PIK3R1: variants seen among roughly 807,000 people sequenced by gnomAD.
PIK3R1 encodes phosphoinositide-3-kinase regulatory subunit 1, also known as phosphatidylinositol 3-kinase regulatory subunit alpha.
PIK3R1 carries 29 observed loss-of-function variants against 98.0 expected under a neutral mutation model. The ratio of observed to expected loss-of-function variants is 0.30; its 90% confidence interval spans 0.22 to 0.40. PIK3R1 has a LOEUF of 0.40. Among genes scored for constraint, PIK3R1 ranks in the 10% least tolerant of loss-of-function variants. PIK3R1 has a pLI of 1.00. For missense variants in PIK3R1, 596 were observed against 872.7 expected (o/e 0.68, Z 3.99); for synonymous variants, 282 against 311.8 (o/e 0.90, Z 1.01).
intron 1 of PIK3R1, among the ~76,000 whole-genome samples, chr5:68,217,264 T>C (rs1362614440): frequency 1.3e-5 from 2 of 152,208 alleles, no homozygotes; most frequent in African/African-American, 4.8e-5. Context: ...TGTGGAGTTA[T>C]ATTTTAATGC....
At chr5:68,250,876 TTA>T (rs1311369043) in intron 2 of PIK3R1, among the ~76,000 whole-genome samples, 3 of 152,220 alleles carry the variant, frequency 2.0e-5, no homozygotes, top group African/African-American at 7.2e-5. Flanking sequence ...TTTAGATTAG[TTA>T]TGAGACTTCA....
At chr5:68,221,746 C>T (rs891336792) in intron 1 of PIK3R1, among the ~76,000 whole-genome samples, 1 of 152,072 alleles carries the variant, frequency 6.6e-6, no homozygotes, top group Non-Finnish European at 1.5e-5. Context: ...AGCAGTTGTA[C>T]GTTAAGTAGC....
chr5:68,246,324 T>G (rs1450398699), intron 2 of PIK3R1, among the ~76,000 whole-genome samples: 1 of 151,690 alleles, frequency 6.6e-6, no homozygotes, highest in Non-Finnish European at 1.5e-5. Context: ...TTTTTTTTTT[T>G]TTTTTTTGAG....
At chr5:68,277,995 T>C (rs1452056355) in intron 4 of PIK3R1, among the ~76,000 whole-genome samples, 1 of 152,144 alleles carries the variant, frequency 6.6e-6, no homozygotes, top group Admixed American at 6.5e-5. Flanking sequence ...ATCCTTCGCA[T>C]TGCTAGTGTA....
rs2112282588 is a variant in PIK3R1, at chr5:68,296,161, G to A, written c.1815-10G>A. 1 of 1,613,594 alleles carries A rather than the reference G, an allele frequency of 6.2e-7. No individual in the cohort carries two copies. Among genetic ancestry groups the A allele is most frequent in the Non-Finnish European group, 8.5e-7 (1 of 1,179,686 alleles). On this transcript the variant is annotated splice_polypyrimidine_tract_variant and intron_variant, in intron 14 of 15. Transcript: ENST00000521381. ...TCTTCATTTAGAAACTTTCTGTCCT[G>A]CCTGCCTAGCCAATATTCACTGGTG...
At chr5:68,240,508 T>G (rs1241091960) in intron 2 of PIK3R1, among the ~76,000 whole-genome samples, 1 of 152,244 alleles carries the variant, frequency 6.6e-6, no homozygotes, top group South Asian at 2.1e-4. Context: ...CCAGCCCTTC[T>G]GTGATTGGAA....
rs1402997899 is a variant in PIK3R1 at position 68,262,668 on chromosome 5, TGTAG to T, written c.335-10721_335-10718del. On this transcript the variant is annotated intron_variant, in intron 2 of 15. Transcript: ENST00000521381. ...ACACATGTATCTGCATGTATACACA[TGTAG>T]ATACATGTATCTGCATGTATACACA... Among the ~76,000 whole-genome samples the T allele has an allele frequency of 7.7e-5, 10 of 130,112 alleles. 1 individual carries two copies. Among genetic ancestry groups the T allele is most frequent in the African/African-American group, 2.3e-4 (7 of 30,946 alleles). The allele number at this position is 130,112 out of a possible 152,430, so 85.4% of individuals were successfully genotyped here. A position where few individuals can be genotyped will look rare whatever the true frequency, so the allele number is the denominator to read the frequency against.
rs1402021536 is a variant in PIK3R1 at position 68,301,524 on chromosome 5, AAAC to A, written c.*3926_*3928del. On this transcript the variant is annotated 3_prime_UTR_variant, in exon 16 of 16. Coordinates refer to ENST00000521381, the MANE Select transcript of PIK3R1 (RefSeq NM_181523.3). ...TATATATATGTATTTAAAAAAATCA[AAAC>A]AAAAAAAAACTCATTTATACCTGTG... The A allele has an allele frequency of 2.6e-5, 4 of 151,034 alleles. No individual in the cohort carries two copies. Among genetic ancestry groups the A allele is most frequent in the African/African-American group, 1.0e-4 (4 of 39,320 alleles). 9.4% of individuals were successfully genotyped at this position (151,034 alleles called of 1,614,324 possible). A position where few individuals can be genotyped will look rare whatever the true frequency, so the allele number is the denominator to read the frequency against.
In PIK3R1 at chr5:68,288,529, A is replaced by G. The variant is rs2888323; in HGVS notation, c.917-3730A>G. On this transcript the variant is annotated intron_variant, in intron 7 of 15. Transcript: ENST00000521381. Reference sequence around the variant, plus strand: ...GCGGAGGGACGAGCCGAGCCGAGCCAAGCGGAGCTGGGCCACTGTGCACGC... The same window carrying G: ...GCGGAGGGACGAGCCGAGCCGAGCCGAGCGGAGCTGGGCCACTGTGCACGC... 364,656 of 1,260,946 alleles carry G rather than the reference A, an allele frequency of 0.29. 49,266 individuals are homozygous for G. Among genetic ancestry groups the G allele is most frequent in the African/African-American group, 0.39 (22,336 of 57,320 alleles). The allele number at this position is 1,260,946 out of a possible 1,614,324, so 78.1% of individuals were successfully genotyped here.
intron 2 of PIK3R1, among the ~76,000 whole-genome samples, chr5:68,243,004 C>G (rs2112030285): frequency 6.6e-6 from 1 of 151,988 alleles, no homozygotes; most frequent in East Asian, 1.9e-4. Context: ...CGTCCCCAGA[C>G]ACCACATAAT....
intron 2 of PIK3R1, among the ~76,000 whole-genome samples, chr5:68,254,559 A>G (rs1001903116): frequency 5.3e-5 from 8 of 152,250 alleles, no homozygotes; most frequent in African/African-American, 1.9e-4. Flanking sequence ...TGAAGCCTTC[A>G]ATAAACAGTG....
At chr5:68,263,478 T>C (rs544032692) in intron 2 of PIK3R1, among the ~76,000 whole-genome samples, 1 of 152,006 alleles carries the variant, frequency 6.6e-6, no homozygotes, top group East Asian at 1.9e-4. Context: ...TTAATTTCTT[T>C]AGTAGAGAGG....
chr5:68,281,077 A>G, intron 7 of PIK3R1, 71 bp downstream of exon 7: 2 of 975,480 alleles, frequency 2.1e-6, no homozygotes, highest in Non-Finnish European at 3.2e-6. Context: ...GATGGCTATA[A>G]ACCTCCTTTG....
At chr5:68,239,726 G>T (rs184785223) in intron 2 of PIK3R1, among the ~76,000 whole-genome samples, 2 of 152,258 alleles carry the variant, frequency 1.3e-5, no homozygotes, top group East Asian at 1.9e-4. Context: ...GCTGACTTCC[G>T]ACCAGCCACA....
chr5:68,293,359 T>C lies in PIK3R1; in HGVS notation c.1175T>C (p.Phe392Ser). Residue 392 changes from phenylalanine (F) to serine (S), a missense_variant, in exon 10 of 16, where the codon TTC (phenylalanine) becomes TCC (serine). Transcript: ENST00000521381. Reference protein sequence around the residue: ...KIFHRDGKYGFSDPLTFSSVV... With the variant: ...KIFHRDGKYGSSDPLTFSSVV... ...TTTCATCGAGATGGGAAATATGGCT[T>C]CTCTGACCCATTAACCTTCAGTTCT... 6.2e-7 allele frequency: 1 copy of C among 1,613,430 alleles called. No homozygotes were observed. The highest frequency in any genetic ancestry group is 8.5e-7 in the Non-Finnish European group (1 of 1,179,440).
intron 4 of PIK3R1, among the ~76,000 whole-genome samples, chr5:68,277,759 T>C (rs1746640292): frequency 6.6e-6 from 1 of 152,228 alleles, no homozygotes; most frequent in African/African-American, 2.4e-5. Context: ...CACCGAGTTA[T>C]ATGAGGTCTC....
Position 68,226,334 on chromosome 5 carries a change from T to G in PIK3R1, c.-342T>G, listed in dbSNP as rs572080239. The G allele has an allele frequency of 4.6e-6, 2 of 437,282 alleles. No individual in the cohort carries two copies. The highest frequency in any genetic ancestry group is 3.8e-5 in the Admixed American group (1 of 26,400). 27.1% of individuals were successfully genotyped at this position (437,282 alleles called of 1,614,324 possible). On this transcript the variant is annotated 5_prime_UTR_variant, in exon 2 of 16. The change abolishes an upstream ATG in the 5' untranslated region. Transcript: ENST00000521381. ...TGCCACGGTACAATCAGACGACAGA[T>G]GGACAGTGTGACAAAAGTGTCAGAA... is the stretch of plus-strand genomic sequence containing the variant.
intron 4 of PIK3R1, among the ~76,000 whole-genome samples, chr5:68,277,334 A>T (rs1182812643): frequency 6.6e-6 from 1 of 152,208 alleles, no homozygotes; most frequent in Admixed American, 6.5e-5. Context: ...CAGAGGATCT[A>T]CTACAGTGGT....
intron 2 of PIK3R1, among the ~76,000 whole-genome samples, chr5:68,227,667 A>G (rs1744331094): frequency 6.6e-6 from 1 of 152,206 alleles, no homozygotes; most frequent in South Asian, 2.1e-4. Context: ...TTGTTTTTAT[A>G]ACCTGGTATC....
Sources: gnomAD v4.1 joint callset for allele counts (sites outside exome capture counted in the v4.1 genomes callset) on GRCh38, gnomAD v4.1.1 for gene constraint, MANE v1.5 for transcripts, NCBI Gene and HGNC (gene_info 2026-07-23, HGNC 2026-07-21) for gene names.